Variants in SVEP1 observed in about 807,000 individuals in gnomAD.
SVEP1 encodes the protein sushi, von Willebrand factor type A, EGF and pentraxin domain-containing protein 1.
In SVEP1, 164 loss-of-function variants were observed where a neutral mutation model predicts 367.3. That is an observed-to-expected ratio of 0.45 (90% CI 0.39 to 0.51). The LOEUF is 0.51. SVEP1 is among the 20% of genes least tolerant of loss of function. The pLI, the probability that SVEP1 is intolerant of heterozygous loss-of-function variation, is 0.00. For missense variants in SVEP1, 4,117 were observed against 4,425.3 expected (o/e 0.93, Z 1.98); for synonymous variants, 1,666 against 1,611.6 (o/e 1.03, Z -0.81).
intron 40 of SVEP1, among the ~76,000 whole-genome samples, chr9:110,397,765 C>T (rs1480211537): frequency 6.6e-5 from 10 of 151,990 alleles, no homozygotes; most frequent in African/African-American, 1.9e-4. Flanking sequence ...GAATAAAATA[C>T]CTAGGAATCC....
At chr9:110,436,827 C>A (rs1828437361) in intron 27 of SVEP1, among the ~76,000 whole-genome samples, 1 of 152,078 alleles carries the variant, frequency 6.6e-6, no homozygotes, top group African/African-American at 2.4e-5. Flanking sequence ...AGAAAATCAC[C>A]CTCCATGGAA....
intron 5 of SVEP1, among the ~76,000 whole-genome samples, chr9:110,510,388 A>G (rs1481681963): frequency 2.0e-5 from 3 of 152,184 alleles, no homozygotes; most frequent in African/African-American, 7.2e-5. Context: ...CATAACATGC[A>G]TGGTGACTGT....
At position 110,450,180 on chromosome 9, in the gene SVEP1, C is replaced by T. The variant is rs370897594; in HGVS notation, c.3982G>A (p.Gly1328Arg). Reference protein sequence around the residue: ...NNAVCEDQVGGFLCKCPPGFL... With the variant: ...NNAVCEDQVGRFLCKCPPGFL... ...CCAGGTGGGCATTTGCACAAGAATC[C>T]CCCAACCTGGTCTTCACAGACTGCA... Residue 1328 changes from glycine (G) to arginine (R), a missense_variant, in exon 24 of 48, where the codon GGA (glycine) becomes AGA (arginine). By Grantham distance (125) the Gly-to-Arg change is moderately radical. Around this residue, in one of 4 missense-constraint regions of SVEP1, gnomAD observed 2,174 missense variants for 2,494.3 expected, o/e 0.87. Coordinates refer to ENST00000374469, the MANE Select transcript of SVEP1 (RefSeq NM_153366.4). The T allele has an allele frequency of 1.9e-6, 3 of 1,613,858 alleles. No homozygotes were observed. The highest frequency in any genetic ancestry group is 1.1e-5 in the South Asian group (1 of 91,080).
At chr9:110,395,299 T>G (rs1260990164) in intron 40 of SVEP1, among the ~76,000 whole-genome samples, 1 of 152,122 alleles carries the variant, frequency 6.6e-6, no homozygotes, top group Non-Finnish European at 1.5e-5. Context: ...GACAAGCAAA[T>G]GCTGAGAGAT....
At chr9:110,527,012 T>C (rs1237717856) in intron 3 of SVEP1, among the ~76,000 whole-genome samples, 1 of 152,020 alleles carries the variant, frequency 6.6e-6, no homozygotes, top group Non-Finnish European at 1.5e-5. Context: ...GTGGTTACAA[T>C]AGGTTAAAGG....
At chr9:110,380,586 C>T (rs896432140) in intron 43 of SVEP1, among the ~76,000 whole-genome samples, 9 of 152,114 alleles carry the variant, frequency 5.9e-5, no homozygotes, top group Non-Finnish European at 8.8e-5. Flanking sequence ...CTGCTGGATT[C>T]GGTTCTCCGG....
At chr9:110,451,605 C>T (rs1036560597) in intron 22 of SVEP1, among the ~76,000 whole-genome samples, 4 of 152,138 alleles carry the variant, frequency 2.6e-5, no homozygotes, top group African/African-American at 9.7e-5. Flanking sequence ...ACATATTCAG[C>T]ATGCAATGGA....
In SVEP1 at chr9:110,472,267, C is replaced by G. The variant is rs760547627; in HGVS notation, c.2656G>C (p.Asp886His). 3.1e-6 allele frequency: 5 copies of G among 1,612,232 alleles called. No homozygotes were observed. The highest frequency in any genetic ancestry group is 4.2e-6 in the Non-Finnish European group (5 of 1,179,496). Reference protein sequence around the residue: ...RLDYSYDDFLDTVQETATSIG... With the variant: ...RLDYSYDDFLHTVQETATSIG... ...CTTGTGGCTGTTTCTTGCACAGTGT[C>G]CAGGAAGTCATCGTAAGAGTAATCC... is the stretch of plus-strand genomic sequence containing the variant. The change falls in exon 15 of 48, where the codon GAC becomes CAC. Residue 886 changes from aspartate to histidine, a missense_variant. Coordinates refer to ENST00000374469, the MANE Select transcript of SVEP1 (RefSeq NM_153366.4).
At chr9:110,458,772 G>A (rs766194357) in intron 19 of SVEP1, among the ~76,000 whole-genome samples, 180 bp downstream of exon 19, 11 of 152,186 alleles carry the variant, frequency 7.2e-5, no homozygotes, top group Non-Finnish European at 1.3e-4. Context: ...ATCAAGTTCA[G>A]TGTTTCCAAA....
chr9:110,413,381 G>C (rs1450681890), intron 36 of SVEP1, among the ~76,000 whole-genome samples: 6 of 138,678 alleles, frequency 4.3e-5, no homozygotes, highest in Non-Finnish European at 9.2e-5. Context: ...TCACACTCTG[G>C]GGACTGTTGT....
rs985814839 is a variant in SVEP1 at position 110,435,127 on chromosome 9, G to T, written c.4888+114C>A. The T allele has an allele frequency of 2.0e-5, 24 of 1,202,750 alleles. No individual in the cohort carries two copies. In the Middle Eastern group the frequency reaches 8.5e-4, roughly 42 times the overall value. The allele number at this position is 1,202,750 out of a possible 1,614,324, so 74.5% of individuals were successfully genotyped here. On this transcript the variant is annotated intron_variant, in intron 29 of 47. Coordinates refer to ENST00000374469, the MANE Select transcript of SVEP1 (RefSeq NM_153366.4). ...TATGAATTACTAGTTACAAAAAGTAGATTGACAGTCACATACGATTGGACC... is the reference window on the plus strand; with the variant it reads ...TATGAATTACTAGTTACAAAAAGTATATTGACAGTCACATACGATTGGACC...
At chr9:110,489,562 T>G in intron 9 of SVEP1, 88 bp downstream of exon 9, 1 of 1,335,610 alleles carries the variant, frequency 7.5e-7, no homozygotes, top group Non-Finnish European at 1.0e-6. Flanking sequence ...TACCTCCCAC[T>G]GGGTCCTTCC....
chr9:110,404,907 T>C (rs559946533), intron 38 of SVEP1, among the ~76,000 whole-genome samples: 1 of 152,234 alleles, frequency 6.6e-6, no homozygotes, highest in East Asian at 1.9e-4. Flanking sequence ...ATGCCTGTAG[T>C]CTCAGCTACT....
Position 110,387,355 on chromosome 9 carries a change from A to T in SVEP1, c.9990T>A (p.Ser3330Arg). Residue 3330 changes from serine (S) to arginine (R), a missense_variant, in exon 42 of 48, where the codon AGT becomes AGA. Transcript: ENST00000374469. Reference protein sequence around the residue: ...NVVYSCNRGYSLEGPSEAHCT... With the variant: ...NVVYSCNRGYRLEGPSEAHCT... ...AGTGTGCCTCAGATGGCCCTTCAAG[A>T]CTGTAGCCTCTGTTGCAGGAATATA... 6.2e-7 allele frequency: 1 copy of T among 1,613,602 alleles called. No homozygotes were observed. The highest frequency in any genetic ancestry group is 1.1e-5 in the South Asian group (1 of 91,052).
chr9:110,374,653 A>AAAAACAAAACAAAAC (rs10587715), intron 46 of SVEP1, among the ~76,000 whole-genome samples: 5 of 151,654 alleles, frequency 3.3e-5, no homozygotes, highest in Admixed American at 6.6e-5. Flanking sequence ...TCTGTTCTCA[A>AAAAACAAAACAAAAC]AAAACAAAAC....
At chr9:110,480,912 A>G (rs983253445) in intron 12 of SVEP1, among the ~76,000 whole-genome samples, 1 of 151,972 alleles carries the variant, frequency 6.6e-6, no homozygotes, top group African/African-American at 2.4e-5. Flanking sequence ...ATACGTCACC[A>G]TGCCTGGCCA....
intron 3 of SVEP1, among the ~76,000 whole-genome samples, chr9:110,521,608 C>T (rs529041602): frequency 3.3e-5 from 5 of 152,266 alleles, no homozygotes; most frequent in Admixed American, 3.3e-4. Context: ...CACATATATT[C>T]ACACATCAAT....
chr9:110,467,978 G>A (rs1404699759), intron 17 of SVEP1, among the ~76,000 whole-genome samples: 2 of 111,934 alleles, frequency 1.8e-5, no homozygotes, highest in African/African-American at 7.1e-5. Flanking sequence ...CTTTCTCCAC[G>A]TGACATGCCT....
chr9:110,544,673 C>A (rs1040133320), intron 3 of SVEP1, among the ~76,000 whole-genome samples: 2 of 152,068 alleles, frequency 1.3e-5, no homozygotes, highest in Non-Finnish European at 2.9e-5. Context: ...ACGCATGGGG[C>A]ACAGTAAGAT....
Sources: gnomAD v4.1 joint callset for allele counts (sites outside exome capture counted in the v4.1 genomes callset) on GRCh38, gnomAD v4.1.1 for gene constraint, gnomAD v4.1.1 regional missense constraint, MANE v1.5 for transcripts, NCBI Gene and HGNC (gene_info 2026-07-23, HGNC 2026-07-21) for gene names.